The following GPR161 variants were observed in gnomAD, a reference collection of about 807,000 sequenced individuals.
The protein encoded by GPR161 is G protein-coupled receptor 161.
A neutral mutation model predicts 39.2 loss-of-function variants in GPR161; 25 were observed. The observed-to-expected ratio is 0.64, with a 90% CI of 0.47 to 0.89. GPR161 has a LOEUF of 0.89. GPR161 is among the 40% of genes least tolerant of loss of function. The probability of loss-of-function intolerance (pLI) is 0.00; values close to 1 mark genes in which losing one functional copy is unlikely to be tolerated. For missense variants in GPR161, 547 were observed against 677.8 expected (o/e 0.81, Z 2.14); for synonymous variants, 286 against 276.6 (o/e 1.03, Z -0.34).
intron 1 of GPR161, among the ~76,000 whole-genome samples, chr1:168,116,833 G>A (rs1315720248): frequency 6.6e-6 from 1 of 152,200 alleles, no homozygotes; most frequent in Non-Finnish European, 1.5e-5. Flanking sequence ...ATCTAGGAAT[G>A]TCTTTGTTCA....
upstream of GPR161, chr1:168,137,478 T>C (rs6664903): frequency 0.78 from 1,019,683 of 1,299,350 alleles, 402,629 homozygotes; most frequent in African/African-American, 0.96. Flanking sequence ...AGTGAATTCG[T>C]CCCGAAGCCA....
At chr1:168,090,772 G>A (rs1042653267) in intron 3 of GPR161, 104 bp from the exon 4 acceptor site, 21 of 571,878 alleles carry the variant, frequency 3.7e-5, no homozygotes, top group Admixed American at 6.1e-5. Context: ...GTTCGCCCTT[G>A]CAAAACTCAC....
upstream of GPR161, chr1:168,137,329 A>G: frequency 1.3e-6 from 2 of 1,535,376 alleles, no homozygotes; most frequent in African/African-American, 1.4e-5. Flanking sequence ...GGCTCCGCAC[A>G]GTCCCATTCT....
chr1:168,119,247 T>TAC (rs1558129883), intron 1 of GPR161, among the ~76,000 whole-genome samples: 26 of 121,736 alleles, frequency 2.1e-4, no homozygotes, highest in African/African-American at 8.6e-4. Context: ...TATATACACA[T>TAC]ATATATATAC....
At chr1:168,123,656 A>G (rs1698381082) in intron 1 of GPR161, among the ~76,000 whole-genome samples, 3 of 152,132 alleles carry the variant, frequency 2.0e-5, no homozygotes, top group African/African-American at 7.2e-5. Context: ...TCCAATACAA[A>G]GGGACAGACT....
In GPR161 at chr1:168,104,876, G is replaced by A. The variant is rs773768670; in HGVS notation, c.-26C>T. 1 of 1,609,302 alleles carries A rather than the reference G, an allele frequency of 6.2e-7. No homozygotes were observed. Among genetic ancestry groups the A allele is most frequent in the East Asian group, 2.2e-5 (1 of 44,740 alleles). ...GGTCAGTGCACCTCGGCGTGGGGTG[G>A]GCAGAGCATGCTGGACGACTGGAAA... On this transcript the variant is annotated 5_prime_UTR_variant, in exon 2 of 6. Coordinates refer to ENST00000682931, the MANE Select transcript of GPR161 (RefSeq NM_001375883.1).
At chr1:168,104,369 G>T in intron 2 of GPR161, 108 bp downstream of exon 2, 1 of 872,382 alleles carries the variant, frequency 1.1e-6, no homozygotes, top group Non-Finnish European at 1.8e-6. Context: ...TCCTCCCCCA[G>T]CAAGGGCCCC....
In GPR161 at chr1:168,136,187, G is replaced by A. The variant is rs144699908; in HGVS notation, c.-45+552C>T. On this transcript the variant is annotated intron_variant, in intron 1 of 5. Coordinates refer to ENST00000682931, the MANE Select transcript of GPR161 (RefSeq NM_001375883.1). ...CGGCGGCGCCGGGCCACTTCTGGGC[G>A]CGCCACCCGCCGCCCGCCCAGGCTC... The A allele has an allele frequency of 3.2e-3, 4,051 of 1,270,566 alleles. 20 individuals are homozygous for A. The highest frequency in any genetic ancestry group is 0.01 in the Middle Eastern group (45 of 4,440). 78.7% of individuals were successfully genotyped at this position (1,270,566 alleles called of 1,614,324 possible).
chr1:168,091,288 T>G (rs2102116205), intron 3 of GPR161, among the ~76,000 whole-genome samples: 1 of 152,172 alleles, frequency 6.6e-6, no homozygotes, highest in African/African-American at 2.4e-5. Context: ...ACCCCAGTGT[T>G]GGTAGGAGAG....
At chr1:168,094,356 T>G (rs1695338063) in intron 3 of GPR161, among the ~76,000 whole-genome samples, 2 of 152,328 alleles carry the variant, frequency 1.3e-5, no homozygotes, top group South Asian at 4.1e-4. Context: ...CAACATTGAA[T>G]GGACTCCTGG....
At chr1:168,119,809 C>CAAATCTATTGGCTCTAGGTTTGA (rs1161995021) in intron 1 of GPR161, among the ~76,000 whole-genome samples, 1 of 152,254 alleles carries the variant, frequency 6.6e-6, no homozygotes, top group East Asian at 1.9e-4. Context: ...TCAGTGGGTG[C>CAAATCTATTGGCTCTAGGTTTGA]AAGCCCCAAG....
chr1:168,132,515 A>T lies in GPR161; in HGVS notation c.-45+4224T>A, dbSNP rs367864539. 4.0e-3 allele frequency among the ~76,000 whole-genome samples: 580 copies of T among 146,072 alleles called. 2 individuals are homozygous for T. Among genetic ancestry groups the T allele is most frequent in the Middle Eastern group, 7.4e-3 (2 of 270 alleles). ...AGGCAGGAGAATGGCGTGAACCCGG[A>T]AGATGGAGCTTGCAGTGAGCCGAGA... is the stretch of plus-strand genomic sequence containing the variant. On this transcript the variant is annotated intron_variant, in intron 1 of 5. Transcript: ENST00000682931.
intron 1 of GPR161, among the ~76,000 whole-genome samples, chr1:168,121,965 CGCT>C (rs1337399629): frequency 6.6e-6 from 1 of 152,194 alleles, no homozygotes; most frequent in African/African-American, 2.4e-5. Flanking sequence ...GTCTGTTTGG[CGCT>C]GCTGCCAGAA....
At chr1:168,089,089 T>A (rs1694816608) in intron 4 of GPR161, 1 of 152,168 alleles carries the variant, frequency 6.6e-6, no homozygotes, top group South Asian at 2.1e-4. Context: ...ACTTTACAGT[T>A]CAATCTTTTA....
At chr1:168,125,642 C>T (rs1417066960) in intron 1 of GPR161, among the ~76,000 whole-genome samples, 1 of 138,010 alleles carries the variant, frequency 7.2e-6, no homozygotes, top group Non-Finnish European at 1.5e-5. Flanking sequence ...TTTTTTGAGA[C>T]AGTCTCACCC....
intron 2 of GPR161, among the ~76,000 whole-genome samples, chr1:168,099,277 G>A (rs1052354864): frequency 9.2e-5 from 14 of 152,308 alleles, no homozygotes; most frequent in African/African-American, 3.4e-4. Flanking sequence ...ATGTGAGGGG[G>A]TTGCTAGGGG....
In GPR161 at chr1:168,104,713, C is replaced by T; in HGVS notation, c.138G>A (p.Leu46=). 1 of 1,613,994 alleles carries T rather than the reference C, an allele frequency of 6.2e-7. No individual in the cohort carries two copies. Among genetic ancestry groups the T allele is most frequent in the Non-Finnish European group, 8.5e-7 (1 of 1,179,936 alleles). Residue 46 remains leucine, a synonymous_variant, in exon 2 of 6, where the codon CTG becomes CTA. Transcript: ENST00000682931. ...TCTTGTACAAGGTGACCACGATGAC[C>T]AGGTTTCCCAGGCAGACAAAAATGG... is the stretch of plus-strand genomic sequence containing the variant. ...VITIFVCLGN[L]VIVVTLYKKS...
chr1:168,093,905 A>G (rs780855669), intron 3 of GPR161, among the ~76,000 whole-genome samples: 1 of 152,226 alleles, frequency 6.6e-6, no homozygotes, highest in Non-Finnish European at 1.5e-5. Context: ...TCCTGGGATC[A>G]GGACCTTCAG....
At position 168,110,464 on chromosome 1, in the gene GPR161, A is replaced by G. The variant is rs540881959; in HGVS notation, c.-44-5570T>C. ...CAGTGAGCCGTGATCACACCACTGC[A>G]CTCCAGCCTAGACGACAGAGTGAGA... On this transcript the variant is annotated intron_variant, in intron 1 of 5. Transcript: ENST00000682931. 2.2e-3 allele frequency among the ~76,000 whole-genome samples: 324 copies of G among 147,490 alleles called. 5 individuals are homozygous for G. The highest frequency in any genetic ancestry group is 7.9e-3 in the African/African-American group (314 of 39,980).
Sources: gnomAD v4.1 joint callset for allele counts (sites outside exome capture counted in the v4.1 genomes callset) on GRCh38, gnomAD v4.1.1 for gene constraint, MANE v1.5 for transcripts, NCBI Gene and HGNC (gene_info 2026-07-23, HGNC 2026-07-21) for gene names.